ANK3: variants seen among roughly 807,000 people sequenced by gnomAD.
ANK3 encodes ankyrin 3.
A neutral mutation model predicts 370.9 loss-of-function variants in ANK3; 57 were observed. The ratio of observed to expected loss-of-function variants is 0.15; its 90% CI spans 0.12 to 0.19. The LOEUF (loss-of-function observed/expected upper bound fraction) is 0.19, where lower values mean the gene tolerates loss of function less well. Ranked by LOEUF, ANK3 falls within the 10% of genes least tolerant of loss-of-function variation. ANK3 has a pLI of 1.00. For missense variants in ANK3, 4,439 were observed against 5,302.1 expected, an observed-to-expected ratio of 0.84 and a Z score of 5.06; for synonymous variants, 1,929 against 1,946.3, an observed-to-expected ratio of 0.99 and a Z score of 0.23.
intron 8 of ANK3, 57 bp from the exon 9 acceptor site, chr10:60,213,567 G>A: frequency 8.5e-7 from 1 of 1,179,160 alleles, no homozygotes; most frequent in Non-Finnish European, 1.2e-6. Flanking sequence ...TATGAGTGCA[G>A]TGTACTTCTT....
intron 1 of ANK3, among the ~76,000 whole-genome samples, chr10:60,718,306 TAAAC>T (rs2079817454): frequency 6.6e-6 from 1 of 152,212 alleles, no homozygotes; most frequent in African/African-American, 2.4e-5. Context: ...TTTTCAGTAA[TAAAC>T]AACCTTTGCT....
intron 26 of ANK3, among the ~76,000 whole-genome samples, chr10:60,112,677 C>T (rs1482843484): frequency 6.6e-6 from 1 of 152,096 alleles, no homozygotes; most frequent in African/African-American, 2.4e-5. Context: ...TAATACGTAT[C>T]TCACAGTATC....
intron 1 of ANK3, among the ~76,000 whole-genome samples, chr10:60,647,034 G>A (rs1004271257): frequency 6.6e-6 from 1 of 152,164 alleles, no homozygotes; most frequent in African/African-American, 2.4e-5. Context: ...ATGAAACAAT[G>A]TTTTGAACAG....
intron 2 of ANK3, among the ~76,000 whole-genome samples, chr10:60,516,699 C>T (rs1156996029): frequency 6.6e-6 from 1 of 152,214 alleles, no homozygotes; most frequent in South Asian, 2.1e-4. Flanking sequence ...CCCAGGAATT[C>T]AAGGCTGCTA....
At chr10:60,190,215 T>C (rs1358425551) in intron 16 of ANK3, among the ~76,000 whole-genome samples, 1 of 152,188 alleles carries the variant, frequency 6.6e-6, no homozygotes, top group Non-Finnish European at 1.5e-5. Context: ...AGGCATCACA[T>C]GCTCTAAGAA....
chr10:60,060,975 G>A (rs550076186), intron 40 of ANK3, among the ~76,000 whole-genome samples: 1 of 152,316 alleles, frequency 6.6e-6, no homozygotes, highest in East Asian at 1.9e-4. Context: ...CCTCAGCAGA[G>A]AGAAAAGTCA....
Position 60,069,648 on chromosome 10 carries a change from T to C in ANK3, c.11233A>G (p.Ile3745Val), listed in dbSNP as rs1195026666. 6.2e-7 allele frequency: 1 copy of C among 1,614,166 alleles called. No homozygotes were observed. Among genetic ancestry groups the C allele is most frequent in the Non-Finnish European group, 8.5e-7 (1 of 1,180,000 alleles). The change falls in exon 37 of 44, where the codon ATA (isoleucine) becomes GTA (valine). Residue 3745 changes from isoleucine to valine, a missense_variant. Transcript: ENST00000280772. ...KEGPGEITDKIEAVMTSCQGL... is the reference protein window; with the variant it reads ...KEGPGEITDKVEAVMTSCQGL... The stretch of plus-strand genomic sequence containing the variant: ...TGACAACTGGTCATCACCGCTTCTA[T>C]CTTATCTGTTATTTCTCCAGGGCCT...
At chr10:60,372,923 G>A (rs1255043338) in intron 1 of ANK3, among the ~76,000 whole-genome samples, 4 of 152,130 alleles carry the variant, frequency 2.6e-5, no homozygotes, top group African/African-American at 7.2e-5. Flanking sequence ...AGCCTATAAA[G>A]TCATTAAAAA....
At chr10:60,209,602 T>G (rs183234223) in intron 9 of ANK3, among the ~76,000 whole-genome samples, 2 of 152,306 alleles carry the variant, frequency 1.3e-5, no homozygotes, top group East Asian at 3.9e-4. Context: ...ATCAGGATAT[T>G]TCTGCCTAAA....
intron 2 of ANK3, chr10:60,572,878 T>C (rs1338217377): frequency 1.9e-6 from 2 of 1,037,060 alleles, no homozygotes; most frequent in African/African-American, 1.7e-5. Context: ...GATTTGAGCC[T>C]GGAAATGGTG....
intron 1 of ANK3, among the ~76,000 whole-genome samples, chr10:60,284,178 G>A (rs1049442691): frequency 2.6e-5 from 4 of 152,098 alleles, no homozygotes; most frequent in Admixed American, 6.6e-5. Context: ...CTTGACTTAC[G>A]CTACCTCAAG....
intron 1 of ANK3, among the ~76,000 whole-genome samples, chr10:60,334,362 C>G (rs1443408201): frequency 6.6e-6 from 1 of 152,188 alleles, no homozygotes; most frequent in Non-Finnish European, 1.5e-5. Flanking sequence ...CACCACACCA[C>G]AATCCTCCCT....
intron 13 of ANK3, 78 bp downstream of exon 13, chr10:60,200,051 C>A (rs2096649072): frequency 9.8e-7 from 1 of 1,023,840 alleles, no homozygotes; most frequent in Admixed American, 2.0e-5. Context: ...TGAAAGACTG[C>A]ATGTATATAC....
intron 2 of ANK3, among the ~76,000 whole-genome samples, chr10:60,548,201 ATTTCC>A (rs2077011526): frequency 1.7e-5 from 2 of 120,044 alleles, no homozygotes; most frequent in Non-Finnish European, 3.4e-5. Flanking sequence ...ATTTTTAAAT[ATTTCC>A]TTTTTTTTTT....
intron 2 of ANK3, among the ~76,000 whole-genome samples, chr10:60,396,109 C>A (rs1452835173): frequency 1.3e-5 from 2 of 152,140 alleles, no homozygotes; most frequent in East Asian, 3.9e-4. Context: ...CCGATAAGAT[C>A]CCCTTTTCAG....
Position 60,733,265 on chromosome 10 carries a change from G to A in ANK3, c.55C>T (p.Gln19Ter). 3 of 1,239,464 alleles carry A rather than the reference G, an allele frequency of 2.4e-6. No homozygotes were observed. The highest frequency in any genetic ancestry group is 3.0e-6 in the Non-Finnish European group (3 of 993,508). The allele number at this position is 1,239,464 out of a possible 1,614,324, so 76.8% of individuals were successfully genotyped here. A position where few individuals can be genotyped will look rare whatever the true frequency, so the allele number is the denominator to read the frequency against. The change falls in exon 1 of 44, where the codon CAG becomes TAG. Residue 19 changes from glutamine (Q) to a stop codon, truncating the protein, a stop_gained and splice_region_variant. Transcript: ENST00000373827. LOFTEE classifies it high-confidence loss of function. ...TAGGGGGGCGGCGCGGCGCTCACCT[G>A]GGCAGGAGCGGAGTCCTCGGTGCCC...
At chr10:60,278,544 T>C (rs1238144252) in intron 4 of ANK3, among the ~76,000 whole-genome samples, 2 of 151,996 alleles carry the variant, frequency 1.3e-5, no homozygotes, top group African/African-American at 2.4e-5. Flanking sequence ...CTAATTTTTT[T>C]TATTTTTAGT....
chr10:60,547,469 C>G (rs1226548106), intron 2 of ANK3, among the ~76,000 whole-genome samples: 2 of 151,986 alleles, frequency 1.3e-5, no homozygotes, highest in Admixed American at 1.3e-4. Flanking sequence ...GATCTCGGCT[C>G]ACTGCAACCT....
intron 1 of ANK3, among the ~76,000 whole-genome samples, chr10:60,715,481 C>G (rs1269504968): frequency 6.6e-6 from 1 of 151,962 alleles, no homozygotes; most frequent in African/African-American, 2.4e-5. Context: ...TTCATAGAAT[C>G]AGCATAAAGT....
Sources: allele counts gnomAD v4.1 joint callset (sites outside exome capture counted in the v4.1 genomes callset), GRCh38; gene constraint gnomAD v4.1.1; transcripts MANE v1.5; gene names NCBI Gene and HGNC (gene_info 2026-07-23, HGNC 2026-07-21).